The following ARHGEF4 variants were observed in gnomAD, a reference collection of about 807,000 sequenced individuals.
ARHGEF4 encodes the protein Rho guanine nucleotide exchange factor 4, also known as APC-stimulated guanine nucleotide exchange factor 1.
ARHGEF4 carries 119 observed loss-of-function variants against 162.0 expected under a neutral mutation model. The observed-to-expected ratio is 0.73, with a 90% CI of 0.63 to 0.86. ARHGEF4 has a LOEUF of 0.86. ARHGEF4 is among the 40% of genes least tolerant of loss of function. The probability of loss-of-function intolerance (pLI) is 0.00; values close to 1 mark genes in which losing one functional copy is unlikely to be tolerated. For missense variants in ARHGEF4, 2,488 were observed against 2,456.0 expected (o/e 1.01, Z -0.28); for synonymous variants, 1,014 against 979.9 (o/e 1.03, Z -0.65).
chr2:131,024,852 C>T (rs1474281440), intron 4 of ARHGEF4, among the ~76,000 whole-genome samples: 2 of 152,164 alleles, frequency 1.3e-5, no homozygotes, highest in Admixed American at 1.3e-4. Context: ...GAATATACAA[C>T]GTTCCTTATA....
At chr2:130,988,038 C>T (rs1162827696) in intron 4 of ARHGEF4, among the ~76,000 whole-genome samples, 3 of 152,128 alleles carry the variant, frequency 2.0e-5, no homozygotes, top group Non-Finnish European at 4.4e-5. Flanking sequence ...ATTCCAAGGG[C>T]GTTCATGAGG....
At chr2:131,038,758 C>T in intron 5 of ARHGEF4, 95 bp from the exon 6 acceptor site, 11 of 1,400,064 alleles carry the variant, frequency 7.9e-6, no homozygotes, top group Non-Finnish European at 1.1e-5. Context: ...GTCAGGATCC[C>T]CTCTTCCCAG....
rs1396283976 is a variant in ARHGEF4 at position 130,915,011 on chromosome 2, T to C, written c.1065T>C (p.Asn355=). The stretch of plus-strand genomic sequence containing the variant: ...GCCCCGAGGATCCCGTGGGACAGAA[T>C]GTTGTGAAGTCTGGGACCCATGTGA... ...PECPEDPVGQ[N]VVKSGTHVKE... The change falls in exon 2 of 14, where the codon AAT becomes AAC. Residue 355 remains asparagine, a synonymous_variant. Coordinates refer to ENST00000409359, the MANE Select transcript of ARHGEF4 (RefSeq NM_001367493.1). 3 of 1,550,406 alleles carry C rather than the reference T, an allele frequency of 1.9e-6. No individual in the cohort carries two copies. Among genetic ancestry groups the C allele is most frequent in the East Asian group, 2.4e-5 (1 of 40,926 alleles).
intron 3 of ARHGEF4, among the ~76,000 whole-genome samples, chr2:130,932,817 G>A (rs559331035): frequency 1.3e-5 from 2 of 152,110 alleles, no homozygotes; most frequent in Non-Finnish European, 2.9e-5. Flanking sequence ...GTATGAGATA[G>A]AGGTCCAATT....
chr2:130,968,030 C>A lies in ARHGEF4; in HGVS notation c.3985+21395C>A, dbSNP rs75278474. 7.7e-3 allele frequency among the ~76,000 whole-genome samples: 1,176 copies of A among 152,316 alleles called. 6 individuals are homozygous for A. The highest frequency in any genetic ancestry group is 0.017 in the Middle Eastern group (5 of 294). On this transcript the variant is annotated intron_variant, in intron 4 of 13. Coordinates refer to ENST00000409359, the MANE Select transcript of ARHGEF4 (RefSeq NM_001367493.1). ...CAGTTATTTAGGCAGGCAGCACCCA[C>A]AAGACTGACCTTAGTTGCTCAGTCT... is the stretch of plus-strand genomic sequence containing the variant.
intron 4 of ARHGEF4, among the ~76,000 whole-genome samples, chr2:131,000,011 C>T (rs768364460): frequency 3.9e-5 from 6 of 152,234 alleles, no homozygotes; most frequent in Non-Finnish European, 7.3e-5. Flanking sequence ...TCCCAGCCAG[C>T]ATAGTGCTTT....
chr2:130,874,361 C>G (rs1320277084), intron 1 of ARHGEF4, among the ~76,000 whole-genome samples: 7 of 152,222 alleles, frequency 4.6e-5, no homozygotes, highest in African/African-American at 1.7e-4. Context: ...GCCTTCTGTT[C>G]CCAAGTCATT....
intron 1 of ARHGEF4, among the ~76,000 whole-genome samples, chr2:130,853,139 C>T (rs1681528510): frequency 1.3e-5 from 2 of 152,176 alleles, no homozygotes; most frequent in African/African-American, 4.8e-5. Context: ...CCATGAGGGA[C>T]CCCGGAATCC....
At position 130,917,161 on chromosome 2, in the gene ARHGEF4, C is replaced by G; in HGVS notation, c.3215C>G (p.Ser1072Cys). ...QQAGIAHTLP[S>C]SSACCLAYEN... Reference sequence around the variant, plus strand: ...GCTGGAATCGCACACACCCTGCCTTCCAGCTCTGCCTGCTGCCTGGCATAT... The same window carrying G: ...GCTGGAATCGCACACACCCTGCCTTGCAGCTCTGCCTGCTGCCTGGCATAT... The change falls in exon 2 of 14, where the codon TCC becomes TGC. Residue 1072 changes from serine (S) to cysteine (C), a missense_variant. Ser to Cys is a moderately radical substitution (Grantham distance 112). Transcript: ENST00000409359. 1 of 1,550,542 alleles carries G rather than the reference C, an allele frequency of 6.4e-7. No homozygotes were observed. Among genetic ancestry groups the G allele is most frequent in the South Asian group, 1.2e-5 (1 of 84,048 alleles).
At chr2:130,837,341 C>G in intron 1 of ARHGEF4, 1 of 338,400 alleles carries the variant, frequency 3.0e-6, no homozygotes, top group Non-Finnish European at 5.4e-6. Context: ...CTGCCTGGAC[C>G]GGCCTGGGCG....
chr2:130,921,249 C>T (rs1681856326), intron 2 of ARHGEF4, among the ~76,000 whole-genome samples: 1 of 152,166 alleles, frequency 6.6e-6, no homozygotes, highest in South Asian at 2.1e-4. Flanking sequence ...CGCCTGTAAT[C>T]CTAGCACTTT....
At position 130,946,564 on chromosome 2, in the gene ARHGEF4, G is replaced by A. The variant is rs778570526; in HGVS notation, c.3914G>A (p.Ser1305Asn). Residue 1305 changes from serine to asparagine, a missense_variant, in exon 4 of 14, where the codon AGC becomes AAC. This residue lies in a region of ARHGEF4 where 1,642 missense variants were observed against 1,481.5 expected (regional missense o/e 1.11). Transcript: ENST00000409359. ...SPESLNLPRR[S>N]HPLSQSAPTG... ...GAGTCTTTGAATCTCCCTAGAAGAA[G>A]CCATCCACTCTCCCAGAGTGCTCCA... is the stretch of plus-strand genomic sequence containing the variant. 1.9e-6 allele frequency: 3 copies of A among 1,614,068 alleles called. No individual in the cohort carries two copies. In the South Asian group the frequency reaches 3.3e-5, roughly 18 times the overall value.
At chr2:130,882,534 C>G (rs1273640461) in intron 1 of ARHGEF4, among the ~76,000 whole-genome samples, 1 of 151,910 alleles carries the variant, frequency 6.6e-6, no homozygotes, top group Non-Finnish European at 1.5e-5. Context: ...CATGACCTAA[C>G]CACCTCCCAA....
chr2:130,899,447 G>C (rs1431943606), intron 1 of ARHGEF4, among the ~76,000 whole-genome samples: 4 of 152,204 alleles, frequency 2.6e-5, no homozygotes, highest in Non-Finnish European at 5.9e-5. Flanking sequence ...TATCTAAGTT[G>C]AGCCTGAAAT....
intron 1 of ARHGEF4, among the ~76,000 whole-genome samples, chr2:130,903,512 C>A (rs1680634497): frequency 6.6e-6 from 1 of 152,178 alleles, no homozygotes; most frequent in African/African-American, 2.4e-5. Flanking sequence ...CCAATCTTGG[C>A]CTCCCAAAGT....
rs78882055 is a variant in ARHGEF4, at chr2:130,842,499, C to T, written c.39+5507C>T. Among the ~76,000 whole-genome samples, 1,514 of 152,282 alleles carry T rather than the reference C, an allele frequency of 9.9e-3. 31 individuals are homozygous for T. Among genetic ancestry groups the T allele is most frequent in the African/African-American group, 0.034 (1,399 of 41,540 alleles). ...GAGTGTGTTATTACCTCACTTTAAG[C>T]TGTACAGGGCAGTTAGAAGTAGCAA... On this transcript the variant is annotated intron_variant, in intron 1 of 13. Coordinates refer to ENST00000409359, the MANE Select transcript of ARHGEF4 (RefSeq NM_001367493.1).
At chr2:131,038,476 C>G (rs1204656443) in intron 5 of ARHGEF4, among the ~76,000 whole-genome samples, 2 of 150,512 alleles carry the variant, frequency 1.3e-5, no homozygotes, top group African/African-American at 4.9e-5. Context: ...GCCTCTCCCT[C>G]CTGCAGCCTT....
In ARHGEF4 at chr2:131,023,083, A is replaced by C. The variant is rs1179830816; in HGVS notation, c.3986-4862A>C. On this transcript the variant is annotated intron_variant, in intron 4 of 13. Transcript: ENST00000409359. ...TGGTGAAACCCTGTCTCAAAAAAAA[A>C]AAAAAAAAAAAAGAACTTTCAAAGT... 4.0e-5 allele frequency among the ~76,000 whole-genome samples: 6 copies of C among 149,758 alleles called. 1 individual carries two copies. The highest frequency in any genetic ancestry group is 2.0e-4 in the Admixed American group (3 of 15,036).
chr2:131,039,399 C>G (rs114760892), intron 6 of ARHGEF4: 631 of 1,057,056 alleles, frequency 6.0e-4, no homozygotes, highest in South Asian at 1.7e-3. Flanking sequence ...ATGACTTACA[C>G]CTGAAGAAGT....
Sources: allele counts gnomAD v4.1 joint callset (sites outside exome capture counted in the v4.1 genomes callset), GRCh38; gene constraint gnomAD v4.1.1; regional missense constraint gnomAD v4.1.1; transcripts MANE v1.5; gene names NCBI Gene and HGNC (gene_info 2026-07-23, HGNC 2026-07-21).